SCUBE1: variants seen among roughly 807,000 people sequenced by gnomAD.
SCUBE1 encodes the protein signal peptide, CUB domain and EGF like domain containing 1.
SCUBE1 carries 59 observed loss-of-function variants against 124.4 expected under a neutral mutation model. That is an observed-to-expected ratio of 0.47 (90% CI 0.38 to 0.59). The LOEUF is 0.59. SCUBE1 is among the 20% of genes least tolerant of loss of function. The pLI, the probability that SCUBE1 is intolerant of heterozygous loss-of-function variation, is 0.00. For missense variants in SCUBE1, 1,150 were observed against 1,371.2 expected (o/e 0.84, Z 2.55); for synonymous variants, 545 against 550.9 (o/e 0.99, Z 0.15).
At chr22:43,278,659 C>G (rs991879360) in intron 4 of SCUBE1, among the ~76,000 whole-genome samples, 1 of 152,158 alleles carries the variant, frequency 6.6e-6, no homozygotes, top group African/African-American at 2.4e-5. Flanking sequence ...TGGCTTGTTT[C>G]TTTGAGTCTG....
rs1923468978 is a variant in SCUBE1, at chr22:43,251,987, A to G, written c.727+6232T>C. ...GCAGCACCCCACGCTGGGTCCTCAG[A>G]GGTTTCATGTAAGTCTCCCAGATAA... On this transcript the variant is annotated intron_variant, in intron 6 of 21. Coordinates refer to ENST00000360835, the MANE Select transcript of SCUBE1 (RefSeq NM_173050.5). Among the ~76,000 whole-genome samples, 2 of 152,220 alleles carry G rather than the reference A, an allele frequency of 1.3e-5. 1 individual carries two copies. The highest frequency in any genetic ancestry group is 4.1e-4 in the South Asian group (2 of 4,834).
chr22:43,296,735 C>T (rs1026846482), intron 3 of SCUBE1, among the ~76,000 whole-genome samples: 10 of 152,086 alleles, frequency 6.6e-5, no homozygotes, highest in African/African-American at 1.7e-4. Flanking sequence ...ATTGTGCCAT[C>T]GAACCGCCGG....
chr22:43,226,293 G>A (rs1002060791), intron 10 of SCUBE1, among the ~76,000 whole-genome samples: 1 of 152,188 alleles, frequency 6.6e-6, no homozygotes. Flanking sequence ...AGTGTGATGG[G>A]AGGGAAAGCA....
intron 2 of SCUBE1, among the ~76,000 whole-genome samples, chr22:43,329,096 T>A (rs1255220757): frequency 1.3e-5 from 2 of 152,194 alleles, no homozygotes; most frequent in Non-Finnish European, 2.9e-5. Flanking sequence ...CCTGCCTTCT[T>A]CCCTCCCATG....
Position 43,211,163 on chromosome 22 carries a change from C to G in SCUBE1, c.2222-80G>C. Reference sequence around the variant, plus strand: ...AGCACTGGGGTGCTGTCCCCAGGACCTCTCATGCCCTCGAGGTCTGTTTTG... The same window carrying G: ...AGCACTGGGGTGCTGTCCCCAGGACGTCTCATGCCCTCGAGGTCTGTTTTG... On this transcript the variant is annotated intron_variant, in intron 17 of 21. Coordinates refer to ENST00000360835, the MANE Select transcript of SCUBE1 (RefSeq NM_173050.5). The surrounding 1 kb of genome is among the most constrained non-coding windows in gnomAD (Gnocchi z 4.5). 1 of 1,416,878 alleles carries G rather than the reference C, an allele frequency of 7.1e-7. No individual in the cohort carries two copies. Among genetic ancestry groups the G allele is most frequent in the Non-Finnish European group, 9.7e-7 (1 of 1,034,576 alleles). 87.8% of individuals were successfully genotyped at this position (1,416,878 alleles called of 1,614,324 possible). A position where few individuals can be genotyped will look rare whatever the true frequency, so the allele number is the denominator to read the frequency against.
intron 4 of SCUBE1, among the ~76,000 whole-genome samples, chr22:43,266,834 G>A (rs1030309012): frequency 2.0e-5 from 3 of 152,116 alleles, no homozygotes; most frequent in South Asian, 2.1e-4. Flanking sequence ...CAGATGCTAC[G>A]TCCCCTGAAG....
intron 6 of SCUBE1, among the ~76,000 whole-genome samples, chr22:43,243,065 G>A (rs1923070613): frequency 1.3e-5 from 2 of 152,234 alleles, no homozygotes; most frequent in African/African-American, 4.8e-5. Context: ...AACCAATCGT[G>A]GGCCCTTCTA....
At chr22:43,239,751 C>T (rs968933170) in intron 6 of SCUBE1, among the ~76,000 whole-genome samples, 27 of 152,204 alleles carry the variant, frequency 1.8e-4, no homozygotes, top group Admixed American at 3.3e-4. Context: ...ATCTGGCAGG[C>T]TTTTATCTTG....
intron 4 of SCUBE1, 35 bp downstream of exon 4, chr22:43,291,011 G>A (rs770604014): frequency 6.5e-7 from 1 of 1,542,486 alleles, no homozygotes; most frequent in Non-Finnish European, 8.8e-7. Context: ...CCATCCTGGG[G>A]GGGGACATGC....
At chr22:43,253,243 G>A (rs1242100686) in intron 6 of SCUBE1, among the ~76,000 whole-genome samples, 1 of 152,236 alleles carries the variant, frequency 6.6e-6, no homozygotes, top group East Asian at 1.9e-4. Flanking sequence ...AGGATCCTAT[G>A]TCTTTACCCC....
intron 4 of SCUBE1, among the ~76,000 whole-genome samples, chr22:43,289,282 G>A (rs1925265611): frequency 6.6e-6 from 1 of 152,222 alleles, no homozygotes; most frequent in Non-Finnish European, 1.5e-5. Context: ...TGGGCTCAGA[G>A]TCCTGGTTTA....
At chr22:43,223,532 G>A (rs781551304) in intron 10 of SCUBE1, among the ~76,000 whole-genome samples, 1 of 152,218 alleles carries the variant, frequency 6.6e-6, no homozygotes, top group Non-Finnish European at 1.5e-5. Flanking sequence ...ATTCCCACTG[G>A]GGAAAGGAAC....
At chr22:43,341,278 A>T (rs73426207) in intron 1 of SCUBE1, among the ~76,000 whole-genome samples, 5,600 of 152,256 alleles carry the variant, frequency 0.037, 246 homozygotes, top group African/African-American at 0.1. Flanking sequence ...GCCAGCAGGA[A>T]CATCCATGAG....
intron 6 of SCUBE1, among the ~76,000 whole-genome samples, chr22:43,240,317 C>T (rs1486875342): frequency 6.6e-6 from 1 of 152,196 alleles, no homozygotes; most frequent in Non-Finnish European, 1.5e-5. Context: ...TTTTATGAAC[C>T]AGTCTTTTGC....
intron 5 of SCUBE1, among the ~76,000 whole-genome samples, chr22:43,259,810 A>C (rs561870803): frequency 5.9e-5 from 9 of 152,176 alleles, no homozygotes; most frequent in Non-Finnish European, 1.2e-4. Flanking sequence ...GCTGACTTCT[A>C]GGGGGAAATT....
At chr22:43,276,951 A>G (rs963245605) in intron 4 of SCUBE1, among the ~76,000 whole-genome samples, 1 of 152,156 alleles carries the variant, frequency 6.6e-6, no homozygotes, top group Non-Finnish European at 1.5e-5. Flanking sequence ...TGCTCCCTAC[A>G]GACCCCAGGC....
chr22:43,210,352 T>G lies in SCUBE1; in HGVS notation c.2384-112A>C. 1.1e-6 allele frequency: 1 copy of G among 871,538 alleles called. No individual in the cohort carries two copies. The highest frequency in any genetic ancestry group is 1.6e-6 in the Non-Finnish European group (1 of 610,938). The allele number at this position is 871,538 out of a possible 1,614,324, so 54.0% of individuals were successfully genotyped here. ...AGGGCAGGGCTGGAAGGTGCTCTTG[T>G]CCCCCCCCACACTAGCCCTCGGACC... On this transcript the variant is annotated intron_variant, in intron 18 of 21. Transcript: ENST00000360835. This position sits in a 1 kb window ranked among gnomAD's most constrained non-coding sequence, Gnocchi z 4.5.
chr22:43,273,561 C>CTTTTTTTTTTTTTTTTTTTTTTTTTTT (rs1056252584), intron 4 of SCUBE1, among the ~76,000 whole-genome samples: 3 of 60,972 alleles, frequency 4.9e-5, no homozygotes, highest in African/African-American at 2.0e-4. Context: ...CTAAAACCCT[C>CTTTTTTTTTTTTTTTTTTTTTTTTTTT]TTTTTTTTTT....
At chr22:43,239,865 G>A (rs373610204) in intron 6 of SCUBE1, among the ~76,000 whole-genome samples, 4 of 152,164 alleles carry the variant, frequency 2.6e-5, no homozygotes, top group Admixed American at 6.5e-5. Flanking sequence ...GCCTGCCTTC[G>A]CCTTGGCATC....
Sources: gnomAD v4.1 joint callset for allele counts (sites outside exome capture counted in the v4.1 genomes callset) on GRCh38, gnomAD v4.1.1 for gene constraint, Gnocchi (gnomAD v3.1) non-coding constraint, MANE v1.5 for transcripts, NCBI Gene and HGNC (gene_info 2026-07-23, HGNC 2026-07-21) for gene names.